Variants in CLCA4 observed in about 807,000 individuals in gnomAD.
CLCA4 encodes the protein chloride channel accessory 4.
CLCA4 carries 69 observed loss-of-function variants against 78.9 expected under a neutral mutation model. That is an observed-to-expected ratio of 0.87 (90% confidence interval 0.72 to 1.07). CLCA4 has a LOEUF of 1.07. CLCA4 is among the 50% of genes least tolerant of loss of function. CLCA4 has a pLI of 0.00. For synonymous variants in CLCA4, 362 were observed against 375.8 expected (o/e 0.96, Z 0.42); for missense variants, 1,133 against 1,095.8 (o/e 1.03, Z -0.48).
Position 86,563,666 on chromosome 1 carries a change from C to T in CLCA4, c.454C>T (p.Leu152=). The T allele has an allele frequency of 6.4e-7, 1 of 1,561,098 alleles. No individual in the cohort carries two copies. The highest frequency in any genetic ancestry group is 8.7e-7 in the Non-Finnish European group (1 of 1,147,430). Residue 152 remains leucine, a synonymous_variant, in exon 4 of 14, where the codon CTG becomes TTG. Coordinates refer to ENST00000370563, the MANE Select transcript of CLCA4 (RefSeq NM_012128.4). The stretch of plus-strand genomic sequence containing the variant: ...TTTGAAATGCTTTCCCACAGGCAAA[C>T]TGTTTGTCCATGAGTGGGCTCACCT... ...KQNEYGPPGK[L]FVHEWAHLRW...
intron 11 of CLCA4, among the ~76,000 whole-genome samples, chr1:86,576,066 T>C (rs1473321284): frequency 6.6e-6 from 1 of 152,024 alleles, no homozygotes; most frequent in African/African-American, 2.4e-5. Flanking sequence ...CATTCCAGCC[T>C]GGGCAACAGA....
At chr1:86,566,705 T>C (rs956215477) in intron 6 of CLCA4, among the ~76,000 whole-genome samples, 1 of 151,940 alleles carries the variant, frequency 6.6e-6, no homozygotes, top group Non-Finnish European at 1.5e-5. Context: ...TTCAGGGAGT[T>C]CAGAAGGAAA....
At chr1:86,556,923 G>A (rs1374206666) in intron 1 of CLCA4, among the ~76,000 whole-genome samples, 2 of 152,034 alleles carry the variant, frequency 1.3e-5, no homozygotes, top group African/African-American at 2.4e-5. Flanking sequence ...TTCAGTCTTG[G>A]GAGATGTATG....
Position 86,575,384 on chromosome 1 carries a change from C to G in CLCA4, c.1736C>G (p.Thr579Ser). The change falls in exon 11 of 14, where the codon ACT (threonine) becomes AGT (serine). Residue 579 changes from threonine to serine, a missense_variant. Coordinates refer to ENST00000370563, the MANE Select transcript of CLCA4 (RefSeq NM_012128.4). ...LQAKANPETL[T>S]ITVTSRAANS... Reference sequence around the variant, plus strand: ...GCCAAAGCGAACCCAGAAACATTAACTATTACAGTAACTTCTCGAGCAGCA... The same window carrying G: ...GCCAAAGCGAACCCAGAAACATTAAGTATTACAGTAACTTCTCGAGCAGCA... 1 of 1,613,284 alleles carries G rather than the reference C, an allele frequency of 6.2e-7. No homozygotes were observed. Among genetic ancestry groups the G allele is most frequent in the Non-Finnish European group, 8.5e-7 (1 of 1,179,460 alleles).
intron 1 of CLCA4, among the ~76,000 whole-genome samples, chr1:86,550,244 C>T (rs1017618473): frequency 1.3e-5 from 2 of 152,044 alleles, no homozygotes; most frequent in African/African-American, 4.8e-5. Flanking sequence ...CTTATAGGTA[C>T]CTTTTAAATT....
intron 1 of CLCA4, among the ~76,000 whole-genome samples, chr1:86,551,492 G>T (rs1649661479): frequency 6.6e-6 from 1 of 152,144 alleles, no homozygotes; most frequent in South Asian, 2.1e-4. Flanking sequence ...AAGGTTGCAG[G>T]CACCTCCAGC....
intron 3 of CLCA4, among the ~76,000 whole-genome samples, chr1:86,563,233 AAT>A (rs3029440): frequency 1.3e-4 from 20 of 149,594 alleles, no homozygotes; most frequent in African/African-American, 3.7e-4. Context: ...TATTGCATTG[AAT>A]ATATATATAT....
At chr1:86,552,694 G>A in intron 1 of CLCA4, 11 of 1,167,286 alleles carry the variant, frequency 9.4e-6, no homozygotes, top group Non-Finnish European at 1.4e-5. Context: ...TGGGGCACGG[G>A]GTGACCGGAG....
chr1:86,572,601 A>C lies in CLCA4; in HGVS notation c.1361-13A>C, dbSNP rs747367199. ...TTCTAGAAAGCAGTCTAATTAATGC[A>C]TTTACATTTTAGGAGGAAGTCATTT... is the stretch of plus-strand genomic sequence containing the variant. On this transcript the variant is annotated splice_polypyrimidine_tract_variant and intron_variant, in intron 8 of 13. Transcript: ENST00000370563. 6 of 1,479,094 alleles carry C rather than the reference A, an allele frequency of 4.1e-6. No individual in the cohort carries two copies. Among genetic ancestry groups the C allele is most frequent in the Non-Finnish European group, 5.7e-6 (6 of 1,058,396 alleles). The allele number at this position is 1,479,094 out of a possible 1,614,324, so 91.6% of individuals were successfully genotyped here.
At chr1:86,570,998 T>C in intron 7 of CLCA4, 79 bp from the exon 8 acceptor site, 1 of 1,042,876 alleles carries the variant, frequency 9.6e-7, no homozygotes, top group Non-Finnish European at 1.4e-6. Flanking sequence ...ATTTTCTCTG[T>C]AAATTTTTTC....
intron 1 of CLCA4, among the ~76,000 whole-genome samples, chr1:86,558,983 T>C (rs12406512): frequency 0.61 from 91,435 of 150,628 alleles, 27,731 homozygotes; most frequent in East Asian, 0.72. Flanking sequence ...ACACTCTTTT[T>C]TTTTTTTTCA....
At chr1:86,574,874 T>C in intron 10 of CLCA4, 119 bp downstream of exon 10, 1 of 734,848 alleles carries the variant, frequency 1.4e-6, no homozygotes, top group Non-Finnish European at 2.3e-6. Context: ...GATAAAATAG[T>C]ATGTACTTTC....
At chr1:86,563,981 T>G (rs1181792732) in intron 4 of CLCA4, among the ~76,000 whole-genome samples, 2 of 152,162 alleles carry the variant, frequency 1.3e-5, no homozygotes, top group East Asian at 3.8e-4. Flanking sequence ...ATTTAACATA[T>G]TTTATACCTC....
At position 86,565,996 on chromosome 1, in the gene CLCA4, T is replaced by C; in HGVS notation, c.930T>C (p.Val310=). ...TCAGTCAAAGAATTGTGTGCTTAGTTCTTGATAAGTCTGGAAGCATGGGGG... is the reference window on the plus strand; with the variant it reads ...TCAGTCAAAGAATTGTGTGCTTAGTCCTTGATAAGTCTGGAAGCATGGGGG... ...LKISQRIVCL[V]LDKSGSMGGK... is the part of the protein sequence containing the mutation. The change falls in exon 6 of 14, where the codon GTT becomes GTC. Residue 310 remains valine, a synonymous_variant. Transcript: ENST00000370563. 1.2e-6 allele frequency: 2 copies of C among 1,612,746 alleles called. No homozygotes were observed. Among genetic ancestry groups the C allele is most frequent in the African/African-American group, 1.3e-5 (1 of 74,982 alleles).
In CLCA4 at chr1:86,578,152, T is replaced by C. The variant is rs576699021; in HGVS notation, c.2122+80T>C. On this transcript the variant is annotated intron_variant, in intron 12 of 13. Transcript: ENST00000370563. The stretch of plus-strand genomic sequence containing the variant: ...TTGATATAATTAGGCTTCAAACAGG[T>C]TGATTAAAACTCAAAATATAGCTTT... 1.5e-5 allele frequency: 20 copies of C among 1,292,606 alleles called. No homozygotes were observed. In the African/African-American group the frequency reaches 1.8e-4, roughly 12 times the overall value. The allele number at this position is 1,292,606 out of a possible 1,614,324, so 80.1% of individuals were successfully genotyped here.
At chr1:86,559,889 C>G in intron 1 of CLCA4, 43 bp from the exon 2 acceptor site, 1 of 1,525,230 alleles carries the variant, frequency 6.6e-7, no homozygotes, top group Non-Finnish European at 8.9e-7. Flanking sequence ...ATTTAGTTCA[C>G]TCTAACTTCA....
rs374619662 is a variant in CLCA4 at position 86,574,551 on chromosome 1, G to C, written c.1479G>C (p.Lys493Asn). The C allele has an allele frequency of 7.3e-5, 118 of 1,611,780 alleles. 1 individual carries two copies. In the African/African-American group the frequency reaches 1.5e-3, roughly 20 times the overall value. The change falls in exon 10 of 14, where the codon AAG becomes AAC. Residue 493 changes from lysine (K) to asparagine (N), a missense_variant. Coordinates refer to ENST00000370563, the MANE Select transcript of CLCA4 (RefSeq NM_012128.4). ...ATCTATTTAAACAGCTCGAAAGTAA[G>C]GGATTAACACTGAATAGTAATGCCT... ...LSQKSLQLES[K>N]GLTLNSNAWM...
At chr1:86,565,667 T>C in intron 5 of CLCA4, 135 bp from the exon 6 acceptor site, 1 of 631,600 alleles carries the variant, frequency 1.6e-6, no homozygotes, top group Non-Finnish European at 2.6e-6. Context: ...CTTATTGTAA[T>C]ATTGATGCTC....
intron 1 of CLCA4, among the ~76,000 whole-genome samples, chr1:86,554,890 C>T (rs1649789427): frequency 2.0e-5 from 3 of 151,138 alleles, no homozygotes; most frequent in Admixed American, 1.3e-4. Context: ...TTAATAATAG[C>T]CATTCTAACT....
Sources: gnomAD v4.1 joint callset for allele counts (sites outside exome capture counted in the v4.1 genomes callset) on GRCh38, gnomAD v4.1.1 for gene constraint, MANE v1.5 for transcripts, NCBI Gene and HGNC (gene_info 2026-07-23, HGNC 2026-07-21) for gene names.